Variants in APOA2 observed in about 807,000 individuals in gnomAD.
The protein encoded by APOA2 is apolipoprotein A-II.
APOA2 carries 3 observed loss-of-function variants against 7.4 expected under a neutral mutation model. That is an observed-to-expected ratio of 0.41 (90% confidence interval 0.18 to 1.05). The LOEUF (loss-of-function observed/expected upper bound fraction) is 1.05. Among genes scored for constraint, APOA2 ranks in the 50% least tolerant of loss-of-function variants. The probability of loss-of-function intolerance (pLI) is 0.33; values close to 1 mark genes in which losing one functional copy is unlikely to be tolerated. For missense variants in APOA2, 90 were observed against 116.3 expected (o/e 0.77, Z 1.04); for synonymous variants, 42 against 47.8 (o/e 0.88, Z 0.50).
intron 1 of APOA2, 76 bp downstream of exon 1, chr1:161,223,519 C>G (rs753018591): frequency 9.8e-7 from 1 of 1,023,738 alleles, no homozygotes. Flanking sequence ...CCATTCCAAC[C>G]TGGCTCTCTC....
chr1:161,222,925 C>T lies in APOA2; in HGVS notation c.178G>A (p.Glu60Lys), dbSNP rs146224429. The T allele has an allele frequency of 4.6e-5, 75 of 1,614,086 alleles. No individual in the cohort carries two copies. The highest frequency in any genetic ancestry group is 6.7e-5 in the African/African-American group (5 of 74,928). Residue 60 changes from glutamate (E) to lysine (K), a missense_variant, in exon 3 of 4, where the codon GAG (glutamate) becomes AAG (lysine). By Grantham distance (56) the Glu-to-Lys change is moderately conservative. Coordinates refer to ENST00000367990, the MANE Select transcript of APOA2 (RefSeq NM_001643.2). ...CCTTGCCCTGAGACTTACTTGGCCT[C>T]GGCCTGAAGCTCTGGGCTCTTGACC... ...EKVKSPELQA[E>K]AKSYFEKSKE...
Position 161,223,058 on chromosome 1 carries a change from CACACACACACA to C in APOA2, c.53-19_53-9del, listed in dbSNP as rs769937010. On this transcript the variant is annotated splice_polypyrimidine_tract_variant and intron_variant, in intron 2 of 3. Transcript: ENST00000367990. ...GTCTCCGAACCAAAGCTCCTGCCCA[CACACACACACA>C]CACACACACACACACACACACACAC... The C allele has an allele frequency of 2.2e-4, 23 of 102,978 alleles. No homozygotes were observed. Among genetic ancestry groups the C allele is most frequent in the East Asian group, 6.3e-3 (1 of 160 alleles). 6.4% of individuals were successfully genotyped at this position (102,978 alleles called of 1,614,324 possible).
chr1:161,222,657 C>T (rs958816921), intron 3 of APOA2, 135 bp from the exon 4 acceptor site: 2 of 952,820 alleles, frequency 2.1e-6, no homozygotes, highest in Middle Eastern at 3.2e-4. Context: ...ATGGCAAAGC[C>T]CCTAGGTAGG....
At position 161,223,196 on chromosome 1, in the gene APOA2, AG is replaced by A. The variant is rs764791099; in HGVS notation, c.53-147del. On this transcript the variant is annotated intron_variant, in intron 2 of 3. Coordinates refer to ENST00000367990, the MANE Select transcript of APOA2 (RefSeq NM_001643.2). Reference sequence around the variant, plus strand: ...CCCCTCCCCAAAAAGGTATCCAGCCAGATCTTTGGATGGGCTTTCTGGGCTT... The same window carrying A: ...CCCCTCCCCAAAAAGGTATCCAGCCAATCTTTGGATGGGCTTTCTGGGCTT... 10 of 1,558,844 alleles carry A rather than the reference AG, an allele frequency of 6.4e-6. No homozygotes were observed. In the South Asian group the frequency reaches 1.2e-4, roughly 18 times the overall value.
chr1:161,223,553 C>T, intron 1 of APOA2, 42 bp downstream of exon 1: 1 of 751,704 alleles, frequency 1.3e-6, no homozygotes, highest in Non-Finnish European at 2.3e-6. Context: ...GAAGCCCAGG[C>T]CTCTTTGGAT....
At chr1:161,223,320 C>G in intron 2 of APOA2, 30 bp downstream of exon 2, 1 of 1,613,190 alleles carries the variant, frequency 6.2e-7, no homozygotes, top group Non-Finnish European at 8.5e-7. Context: ...CACATTCTCC[C>G]TTTTGGCCCC....
At position 161,222,304 on chromosome 1, in the gene APOA2, G is replaced by T. The variant is rs1431828282; in HGVS notation, c.*101C>A. ...CCAGGCTCAGAGCTGGATTCATTCA[G>T]CATTTATTGTAGCAAAGAGTGGGTA... On this transcript the variant is annotated 3_prime_UTR_variant, in exon 4 of 4. Coordinates refer to ENST00000367990, the MANE Select transcript of APOA2 (RefSeq NM_001643.2). The T allele has an allele frequency of 9.2e-6, 8 of 865,280 alleles. No homozygotes were observed. The highest frequency in any genetic ancestry group is 1.5e-5 in the Non-Finnish European group (8 of 517,506). 53.6% of individuals were successfully genotyped at this position (865,280 alleles called of 1,614,324 possible).
chr1:161,222,951 T>C lies in APOA2; in HGVS notation c.152A>G (p.Lys51Arg). Residue 51 changes from lysine to arginine, a missense_variant, in exon 3 of 4, where the codon AAG becomes AGG. By Grantham distance (26) the Lys-to-Arg change is conservative (BLOSUM62 2). Transcript: ENST00000367990. ...VTDYGKDLME[K>R]VKSPELQAEA... ...GGCCTGAAGCTCTGGGCTCTTGACCTTCTCCATCAGGTCCTTGCCATAGTC... is the reference window on the plus strand; with the variant it reads ...GGCCTGAAGCTCTGGGCTCTTGACCCTCTCCATCAGGTCCTTGCCATAGTC... 6.2e-7 allele frequency: 1 copy of C among 1,614,146 alleles called. No individual in the cohort carries two copies. The highest frequency in any genetic ancestry group is 8.5e-7 in the Non-Finnish European group (1 of 1,180,030).
intron 3 of APOA2, 106 bp downstream of exon 3, chr1:161,222,812 C>T: frequency 6.5e-7 from 1 of 1,535,228 alleles, no homozygotes; most frequent in African/African-American, 1.4e-5. Context: ...TAAGCCTAAT[C>T]TGCCCTAATC....
rs1666185995 is a variant in APOA2, at chr1:161,222,479, T to G, written c.229A>C (p.Lys77Gln). Residue 77 changes from lysine to glutamine, a missense_variant, in exon 4 of 4, where the codon AAG becomes CAG. Lys to Gln is a moderately conservative substitution (Grantham distance 53, BLOSUM62 1). Transcript: ENST00000367990. The part of the protein sequence containing the change: ...KSKEQLTPLI[K>Q]KAGTELVNFL... ...TTAACCAGTTCCGTTCCAGCCTTCTTGATCAGGGGTGTCAGCTGCTCCTTT... is the reference window on the plus strand; with the variant it reads ...TTAACCAGTTCCGTTCCAGCCTTCTGGATCAGGGGTGTCAGCTGCTCCTTT... The G allele has an allele frequency of 3.1e-6, 5 of 1,614,204 alleles. No homozygotes were observed. Among genetic ancestry groups the G allele is most frequent in the Non-Finnish European group, 3.4e-6 (4 of 1,180,040 alleles).
chr1:161,223,055 CCACACACACACACACA>C lies in APOA2; in HGVS notation c.53-21_53-6del, dbSNP rs17244502. On this transcript the variant is annotated splice_region_variant and splice_polypyrimidine_tract_variant and intron_variant, in intron 2 of 3. Transcript: ENST00000367990. ...CCTGTCTCCGAACCAAAGCTCCTGCCCACACACACACACACACACACACACACACACACACACACTC... is the reference window on the plus strand; with the variant it reads ...CCTGTCTCCGAACCAAAGCTCCTGCCCACACACACACACACACACACACTC... 439 of 1,587,612 alleles carry C rather than the reference CCACACACACACACACA, an allele frequency of 2.8e-4. 1 individual carries two copies. The highest frequency in any genetic ancestry group is 1.7e-4 in the Admixed American group (10 of 58,872).
Position 161,222,510 on chromosome 1 carries a change from T to A in APOA2, c.198A>T (p.Glu66Asp). Residue 66 changes from glutamate (E) to aspartate (D), a missense_variant, in exon 4 of 4, where the codon GAA becomes GAT. Coordinates refer to ENST00000367990, the MANE Select transcript of APOA2 (RefSeq NM_001643.2). ...ELQAEAKSYF[E>D]KSKEQLTPLI... ...GGGGTGTCAGCTGCTCCTTTGACTT[T>A]TCAAAGTAAGACCTGGATAGGTGAG... 6.2e-7 allele frequency: 1 copy of A among 1,613,914 alleles called. No individual in the cohort carries two copies. The highest frequency in any genetic ancestry group is 8.5e-7 in the Non-Finnish European group (1 of 1,179,782).
At position 161,222,337 on chromosome 1, in the gene APOA2, G is replaced by A. The variant is rs1283858844; in HGVS notation, c.*68C>T. The A allele has an allele frequency of 8.8e-7, 1 of 1,141,116 alleles. No individual in the cohort carries two copies. The highest frequency in any genetic ancestry group is 2.4e-5 in the East Asian group (1 of 42,442). 70.7% of individuals were successfully genotyped at this position (1,141,116 alleles called of 1,614,324 possible). On this transcript the variant is annotated 3_prime_UTR_variant, in exon 4 of 4. Coordinates refer to ENST00000367990, the MANE Select transcript of APOA2 (RefSeq NM_001643.2). Reference sequence around the variant, plus strand: ...TGTAGCAAAGAGTGGGTAGGGACAGGAGCTCTAGGACTGGCCAGTGGGTGT... The same window carrying A: ...TGTAGCAAAGAGTGGGTAGGGACAGAAGCTCTAGGACTGGCCAGTGGGTGT...
rs781414435 is a variant in APOA2, at chr1:161,222,313, G to T, written c.*92C>A. The T allele has an allele frequency of 1.1e-6, 1 of 917,846 alleles. No homozygotes were observed. 56.9% of individuals were successfully genotyped at this position (917,846 alleles called of 1,614,324 possible). A position where few individuals can be genotyped will look rare whatever the true frequency, so the allele number is the denominator to read the frequency against. ...GAGCTGGATTCATTCAGCATTTATT[G>T]TAGCAAAGAGTGGGTAGGGACAGGA... is the stretch of plus-strand genomic sequence containing the variant. On this transcript the variant is annotated 3_prime_UTR_variant, in exon 4 of 4. Transcript: ENST00000367990.
At chr1:161,222,827 C>A (rs968739397) in intron 3 of APOA2, 91 bp downstream of exon 3, 1 of 1,597,666 alleles carries the variant, frequency 6.3e-7, no homozygotes, top group African/African-American at 1.3e-5. Flanking sequence ...CTAATCCCCA[C>A]CCCTGGGTTC....
intron 3 of APOA2, 56 bp from the exon 4 acceptor site, chr1:161,222,578 G>T: frequency 6.7e-7 from 1 of 1,492,730 alleles, no homozygotes; most frequent in Non-Finnish European, 9.3e-7. Flanking sequence ...ACTGGCAGGG[G>T]CCTTGGTGGT....
In APOA2 at chr1:161,223,402, G is replaced by A. The variant is rs750002166; in HGVS notation, c.-1C>T. On this transcript the variant is annotated 5_prime_UTR_variant, in exon 2 of 4. Transcript: ENST00000367990. The stretch of plus-strand genomic sequence containing the variant: ...GCACAGTTGCTGCGAGCAGCTTCAT[G>A]TTGGTAACAGTGGGGAGGGCGGCCT... 2 of 1,613,348 alleles carry A rather than the reference G, an allele frequency of 1.2e-6. No homozygotes were observed. Among genetic ancestry groups the A allele is most frequent in the East Asian group, 2.2e-5 (1 of 44,884 alleles).
chr1:161,223,232 A>C (rs1404171775), intron 2 of APOA2, 118 bp downstream of exon 2: 1 of 1,558,840 alleles, frequency 6.4e-7, no homozygotes, highest in Non-Finnish European at 8.7e-7. Context: ...TTAGAGAGGG[A>C]ATGATCTTCC....
rs747815738 is a variant in APOA2 at position 161,222,906 on chromosome 1, C to T, written c.185+12G>A. 7.4e-6 allele frequency: 12 copies of T among 1,614,100 alleles called. No individual in the cohort carries two copies. Among genetic ancestry groups the T allele is most frequent in the Non-Finnish European group, 1.0e-5 (12 of 1,180,052 alleles). Reference sequence around the variant, plus strand: ...GTTCCACAGCCCCTGAACCCCTTGCCCTGAGACTTACTTGGCCTCGGCCTG... The same window carrying T: ...GTTCCACAGCCCCTGAACCCCTTGCTCTGAGACTTACTTGGCCTCGGCCTG... On this transcript the variant is annotated intron_variant, in intron 3 of 3. Coordinates refer to ENST00000367990, the MANE Select transcript of APOA2 (RefSeq NM_001643.2).
Sources: allele counts gnomAD v4.1 joint callset, GRCh38; gene constraint gnomAD v4.1.1; transcripts MANE v1.5; gene names NCBI Gene and HGNC (gene_info 2026-07-23, HGNC 2026-07-21).